The following AFG2A variants were observed in gnomAD, a reference collection of about 807,000 sequenced individuals.
The protein encoded by AFG2A is AAA ATPase AFG2A, also known as ATPase family gene 2 protein homolog A.
the AFG2A span, among the ~76,000 whole-genome samples, chr4:122,949,178 C>A: frequency 2.6e-5 from 4 of 152,154 alleles, no homozygotes; most frequent in Non-Finnish European, 5.9e-5. Context: ...CTTGTGGGGG[C>A]AGTTAAGATG....
chr4:123,075,473 A>AT, the AFG2A span, among the ~76,000 whole-genome samples: 1 of 151,268 alleles, frequency 6.6e-6, no homozygotes, highest in African/African-American at 2.4e-5. Context: ...TAATTTTTGT[A>AT]TTTTTTAGTA....
the AFG2A span, among the ~76,000 whole-genome samples, chr4:123,240,740 A>AAC: frequency 6.6e-6 from 1 of 151,576 alleles, no homozygotes; most frequent in Non-Finnish European, 1.5e-5. Context: ...AGAAAGAGGA[A>AAC]ACATACAAAA....
the AFG2A span, among the ~76,000 whole-genome samples, chr4:123,016,867 C>G: frequency 1.3e-5 from 2 of 152,326 alleles, no homozygotes; most frequent in Admixed American, 1.3e-4. Context: ...CGTCTGCAAT[C>G]CCGGCACCTC....
chr4:123,215,787 T>C, the AFG2A span, among the ~76,000 whole-genome samples: 2 of 152,150 alleles, frequency 1.3e-5, no homozygotes, highest in Non-Finnish European at 2.9e-5. Context: ...TTCAGTAGCA[T>C]TTTCAAAAGT....
chr4:122,978,887 G>A, the AFG2A span, among the ~76,000 whole-genome samples: 1 of 152,228 alleles, frequency 6.6e-6, no homozygotes, highest in Non-Finnish European at 1.5e-5. Flanking sequence ...TCTGGGACTG[G>A]GGAGAGGCCA....
chr4:123,255,439 G>T, the AFG2A span, among the ~76,000 whole-genome samples: 1 of 151,418 alleles, frequency 6.6e-6, no homozygotes, highest in African/African-American at 2.4e-5. Context: ...ATCTTGCAGT[G>T]AGCTGAGACT....
the AFG2A span, among the ~76,000 whole-genome samples, chr4:123,130,164 T>A: frequency 2.3e-5 from 3 of 128,460 alleles, no homozygotes; most frequent in Admixed American, 8.7e-5. Flanking sequence ...CAGGCCACAG[T>A]TCCCAGCTAA....
the AFG2A span, among the ~76,000 whole-genome samples, chr4:123,042,136 T>C: frequency 1.4e-4 from 21 of 152,308 alleles, no homozygotes; most frequent in East Asian, 3.9e-3. Context: ...GAAGCAGCAT[T>C]GTGAAGGTAA....
chr4:122,952,180 C>T, the AFG2A span, among the ~76,000 whole-genome samples: 1 of 152,194 alleles, frequency 6.6e-6, no homozygotes, highest in African/African-American at 2.4e-5. Context: ...CTGTATCTAA[C>T]TGCACCCTTT....
At chr4:123,143,321 A>G in the AFG2A span, among the ~76,000 whole-genome samples, 2 of 152,098 alleles carry the variant, frequency 1.3e-5, no homozygotes, top group Non-Finnish European at 2.9e-5. Flanking sequence ...AAAATATTTC[A>G]GCAAGTTTTC....
chr4:122,945,208 G>T, the AFG2A span, among the ~76,000 whole-genome samples: 1 of 152,228 alleles, frequency 6.6e-6, no homozygotes, highest in South Asian at 2.1e-4. Flanking sequence ...GGTTACTGCT[G>T]TCTTTTTGTT....
the AFG2A span, among the ~76,000 whole-genome samples, chr4:123,215,140 T>C: frequency 2.0e-5 from 3 of 152,114 alleles, no homozygotes; most frequent in South Asian, 6.2e-4. Flanking sequence ...TAATTAAAAT[T>C]GAAAAAATTT....
At chr4:122,965,629 T>C in the AFG2A span, among the ~76,000 whole-genome samples, 2 of 152,232 alleles carry the variant, frequency 1.3e-5, no homozygotes, top group African/African-American at 4.8e-5. Context: ...TTCAAAATTG[T>C]GTTTCTTAAC....
the AFG2A span, among the ~76,000 whole-genome samples, chr4:123,164,698 T>C: frequency 6.6e-6 from 1 of 152,240 alleles, no homozygotes; most frequent in Non-Finnish European, 1.5e-5. Context: ...GCCAATACTT[T>C]ATTACTTTTT....
chr4:123,298,913 A>G, the AFG2A span, among the ~76,000 whole-genome samples: 1 of 152,290 alleles, frequency 6.6e-6, no homozygotes, highest in Admixed American at 6.5e-5. Flanking sequence ...TCAGCATGTA[A>G]AATCTCGTTT....
the AFG2A span, among the ~76,000 whole-genome samples, chr4:123,221,928 C>CA: frequency 1.4e-3 from 199 of 143,268 alleles, 2 homozygotes; most frequent in Middle Eastern, 0.025. Flanking sequence ...AACTCCATCT[C>CA]AAAAAAAAAA....
At chr4:123,065,985 G>T in the AFG2A span, among the ~76,000 whole-genome samples, 1 of 152,124 alleles carries the variant, frequency 6.6e-6, no homozygotes, top group Non-Finnish European at 1.5e-5. Context: ...AAGGTGAAGT[G>T]CTCAGTTAAA....
At chr4:123,243,460 A>G in the AFG2A span, among the ~76,000 whole-genome samples, 2 of 152,158 alleles carry the variant, frequency 1.3e-5, no homozygotes, top group African/African-American at 4.8e-5. Context: ...ACATGGATGA[A>G]GCTGGGAACC....
At chr4:122,945,431 C>A in the AFG2A span, among the ~76,000 whole-genome samples, 1 of 152,338 alleles carries the variant, frequency 6.6e-6, no homozygotes, top group South Asian at 2.1e-4. Flanking sequence ...ACTCCGTGGG[C>A]GTAGGACCCT....
Sources: gnomAD v4.1 joint callset for allele counts (sites outside exome capture counted in the v4.1 genomes callset) on GRCh38, gnomAD v4.1.1 for gene constraint, MANE v1.5 for transcripts, NCBI Gene and HGNC (gene_info 2026-07-23, HGNC 2026-07-21) for gene names.